The following ZFAT variants were observed in gnomAD, a reference collection of about 807,000 sequenced individuals.
ZFAT encodes zinc finger protein ZFAT.
A neutral mutation model predicts 117.7 loss-of-function variants in ZFAT; 64 were observed. The observed-to-expected ratio is 0.54, with a 90% CI of 0.44 to 0.67. The LOEUF is 0.67. Ranked by LOEUF, ZFAT falls within the 30% of genes least tolerant of loss-of-function variation. The pLI is 0.00. For synonymous variants in ZFAT, 679 were observed against 615.0 expected (o/e 1.10, Z -1.54); for missense variants, 1,433 against 1,584.5 (o/e 0.90, Z 1.62).
At chr8:134,720,740 G>C in the ZFAT span, among the ~76,000 whole-genome samples, 1 of 152,264 alleles carries the variant, frequency 6.6e-6, no homozygotes, top group African/African-American at 2.4e-5. Flanking sequence ...TCTGCTCTCA[G>C]TTAACCTGTG....
chr8:134,697,686 C>T (rs1410454065), intron 1 of ZFAT, among the ~76,000 whole-genome samples: 12 of 150,804 alleles, frequency 8.0e-5, no homozygotes, highest in Admixed American at 4.6e-4. Flanking sequence ...GAGATCGCGC[C>T]ACTGCACTCC....
chr8:134,587,739 T>C (rs991809965), intron 9 of ZFAT, among the ~76,000 whole-genome samples: 1 of 152,186 alleles, frequency 6.6e-6, no homozygotes, highest in African/African-American at 2.4e-5. Flanking sequence ...AAGCACAGCC[T>C]ACCTTCTTCT....
chr8:134,599,416 T>A (rs1279167173), intron 7 of ZFAT: 2 of 235,472 alleles, frequency 8.5e-6, no homozygotes, highest in East Asian at 1.3e-4. Context: ...TGTGTGTGGA[T>A]GTATATAAAA....
chr8:134,503,608 C>T (rs1371760759), intron 15 of ZFAT, among the ~76,000 whole-genome samples: 1 of 152,140 alleles, frequency 6.6e-6, no homozygotes, highest in Non-Finnish European at 1.5e-5. Context: ...CTGAATAAAG[C>T]AAATGGCCCT....
the ZFAT span, among the ~76,000 whole-genome samples, chr8:134,824,857 A>G: frequency 3.9e-5 from 6 of 152,226 alleles, no homozygotes; most frequent in African/African-American, 9.6e-5. Context: ...GTCAGAATTC[A>G]TGGTTGGACA....
At chr8:134,705,377 GTTTT>G (rs61505145) in intron 1 of ZFAT, among the ~76,000 whole-genome samples, 1 of 137,404 alleles carries the variant, frequency 7.3e-6, no homozygotes, top group Non-Finnish European at 1.5e-5. Flanking sequence ...GTTTTTTTTT[GTTTT>G]TTTTTTTTTG....
Position 134,509,739 on chromosome 8 carries a change from C to A in ZFAT, c.3372G>T (p.Leu1124=), listed in dbSNP as rs1030810846. ...GCAGGATGTTCACGGCCGTGGGGTC[C>A]AGTCGGTCGCCTTAAGAGGAAGAAG... ...LRYTSESGDR[L]DPTAVNILQQ... The change falls in exon 15 of 16, where the codon CTG becomes CTT. Residue 1124 remains leucine, a synonymous_variant. Transcript: ENST00000377838. 1.9e-6 allele frequency: 3 copies of A among 1,604,514 alleles called. No homozygotes were observed. In the East Asian group the frequency reaches 6.7e-5, roughly 36 times the overall value.
intron 15 of ZFAT, among the ~76,000 whole-genome samples, chr8:134,486,394 G>A (rs995619763): frequency 6.6e-6 from 1 of 151,892 alleles, no homozygotes; most frequent in Non-Finnish European, 1.5e-5. Flanking sequence ...TGTCACCGTC[G>A]CCACCACCAC....
At chr8:134,753,692 A>G in the ZFAT span, among the ~76,000 whole-genome samples, 903 of 152,354 alleles carry the variant, frequency 5.9e-3, 6 homozygotes, top group African/African-American at 0.021. Flanking sequence ...AGAACAGTGA[A>G]GTCCAGGTTC....
At position 134,499,169 on chromosome 8, in the gene ZFAT, T is replaced by C. The variant is rs1184105834; in HGVS notation, c.3492+10450A>G. Among the ~76,000 whole-genome samples the C allele has an allele frequency of 2.0e-4, 18 of 88,614 alleles. 1 individual carries two copies. The highest frequency in any genetic ancestry group is 2.4e-4 in the African/African-American group (6 of 25,252). 58.1% of individuals were successfully genotyped at this position (88,614 alleles called of 152,430 possible). On this transcript the variant is annotated intron_variant, in intron 15 of 15. Coordinates refer to ENST00000377838, the MANE Select transcript of ZFAT (RefSeq NM_020863.4). Reference sequence around the variant, plus strand: ...GGTTGGCGTGGAGCTGGGATGCCCCTGCTGCTGGTTACACACAGAGCCTGA... The same window carrying C: ...GGTTGGCGTGGAGCTGGGATGCCCCCGCTGCTGGTTACACACAGAGCCTGA...
intron 1 of ZFAT, among the ~76,000 whole-genome samples, chr8:134,695,771 G>C (rs1743299763): frequency 7.1e-6 from 1 of 140,248 alleles, no homozygotes; most frequent in African/African-American, 2.7e-5. Flanking sequence ...CACCCCCTAG[G>C]CCTCGGCCAT....
intron 11 of ZFAT, among the ~76,000 whole-genome samples, chr8:134,544,924 CA>C (rs1309367682): frequency 6.6e-6 from 1 of 152,150 alleles, no homozygotes; most frequent in East Asian, 1.9e-4. Flanking sequence ...CTGTGCATCC[CA>C]TAGCCTGCAA....
At chr8:134,784,348 A>G in the ZFAT span, 11 of 152,338 alleles carry the variant, frequency 7.2e-5, no homozygotes, top group South Asian at 1.9e-3. Flanking sequence ...CATTGTATAC[A>G]TATGCCATAT....
At chr8:134,771,504 G>C in the ZFAT span, among the ~76,000 whole-genome samples, 2 of 152,190 alleles carry the variant, frequency 1.3e-5, no homozygotes, top group African/African-American at 4.8e-5. Flanking sequence ...AGTCATTTCT[G>C]CTCCAATTCC....
intron 3 of ZFAT, among the ~76,000 whole-genome samples, chr8:134,635,600 TGAGACAGAAAGA>T (rs1157381476): frequency 6.6e-6 from 1 of 150,822 alleles, no homozygotes; most frequent in Non-Finnish European, 1.5e-5. Flanking sequence ...TGTATGCATG[TGAGACAGAAAGA>T]GAGACAGGGA....
the ZFAT span, among the ~76,000 whole-genome samples, chr8:134,749,843 T>C: frequency 3.2e-3 from 490 of 152,334 alleles, 4 homozygotes; most frequent in African/African-American, 0.011. Context: ...ATTGTATTTT[T>C]CCCCTCATTT....
intron 1 of ZFAT, among the ~76,000 whole-genome samples, chr8:134,666,540 G>T (rs1370785627): frequency 6.6e-6 from 1 of 152,128 alleles, no homozygotes; most frequent in South Asian, 2.1e-4. Flanking sequence ...TCACAAAAAT[G>T]ACTTCATGAT....
intron 1 of ZFAT, among the ~76,000 whole-genome samples, chr8:134,688,789 C>G (rs1292822992): frequency 6.6e-6 from 1 of 152,186 alleles, no homozygotes; most frequent in Non-Finnish European, 1.5e-5. Flanking sequence ...CTCAACCCAT[C>G]AAGAGAAGGA....
intron 11 of ZFAT, among the ~76,000 whole-genome samples, chr8:134,562,273 C>G (rs540011332): frequency 6.6e-6 from 1 of 152,156 alleles, no homozygotes; most frequent in South Asian, 2.1e-4. Flanking sequence ...CCTGCCAACA[C>G]CTTGATTTTA....
Sources: allele counts gnomAD v4.1 joint callset (sites outside exome capture counted in the v4.1 genomes callset), GRCh38; gene constraint gnomAD v4.1.1; transcripts MANE v1.5; gene names NCBI Gene and HGNC (gene_info 2026-07-23, HGNC 2026-07-21).